Variants in SCAF4 observed in about 807,000 individuals in gnomAD.
The protein encoded by SCAF4 is SR-related and CTD-associated factor 4.
Under a neutral mutation model 129.8 loss-of-function variants are expected in SCAF4, and 25 were observed. The ratio of observed to expected loss-of-function variants is 0.19; its 90% CI spans 0.14 to 0.27. The LOEUF (loss-of-function observed/expected upper bound fraction) is 0.27. Among genes scored for constraint, SCAF4 ranks in the 10% least tolerant of loss-of-function variants. The probability of loss-of-function intolerance (pLI) is 1.00; values close to 1 mark genes in which losing one functional copy is unlikely to be tolerated. For missense variants in SCAF4, 1,246 were observed against 1,457.1 expected, an observed-to-expected ratio of 0.86 and a Z score of 2.36; for synonymous variants, 551 against 497.7, an observed-to-expected ratio of 1.11 and a Z score of -1.43.
rs2050309408 is a variant in SCAF4 at position 31,693,484 on chromosome 21, C to T, written c.1323G>A (p.Arg441=). Residue 441 remains arginine (R), a splice_region_variant and synonymous_variant, in exon 12 of 20, where the codon AGG becomes AGA. Transcript: ENST00000286835. Reference sequence around the variant, plus strand: ...ATCTAGATCGCCTCCTTTTTGGTGACCTAATGTTTTCAAGAGAAGGGAGAA... The same window carrying T: ...ATCTAGATCGCCTCCTTTTTGGTGATCTAATGTTTTCAAGAGAAGGGAGAA... The part of the protein sequence containing the change: ...NRKSRSRSAS[R]SPKRRRSRSG... 6 of 1,470,448 alleles carry T rather than the reference C, an allele frequency of 4.1e-6. No individual in the cohort carries two copies. The highest frequency in any genetic ancestry group is 5.5e-6 in the Non-Finnish European group (6 of 1,091,998). The allele number at this position is 1,470,448 out of a possible 1,614,324, so 91.1% of individuals were successfully genotyped here. A position where few individuals can be genotyped will look rare whatever the true frequency, so the allele number is the denominator to read the frequency against.
intron 15 of SCAF4, 74 bp from the exon 16 acceptor site, chr21:31,688,538 G>A: frequency 1.5e-6 from 2 of 1,296,210 alleles, no homozygotes; most frequent in Non-Finnish European, 2.2e-6. Flanking sequence ...AATGAAAAAT[G>A]TTGATTATAA....
intron 1 of SCAF4, among the ~76,000 whole-genome samples, chr21:31,716,297 A>AT (rs2050918790): frequency 6.6e-6 from 1 of 152,136 alleles, no homozygotes; most frequent in Admixed American, 6.5e-5. Context: ...GACCTCCAAG[A>AT]TGACAAAGCA....
At position 31,723,629 on chromosome 21, in the gene SCAF4, T is replaced by TGTGTGTGCGC. The variant is rs1271033175; in HGVS notation, c.30+8033_30+8034insGCGCACACAC. On this transcript the variant is annotated intron_variant, in intron 1 of 19. Coordinates refer to ENST00000286835, the MANE Select transcript of SCAF4 (RefSeq NM_020706.2). Reference sequence around the variant, plus strand: ...TATATGATGTGTGTGTGTGTGTGTGTGCGCGCGCGCGCGCGCGCACATACA... The same window carrying TGTGTGTGCGC: ...TATATGATGTGTGTGTGTGTGTGTGTGTGTGTGCGCGCGCGCGCGCGCGCGCGCACATACA... 3.1e-3 allele frequency among the ~76,000 whole-genome samples: 465 copies of TGTGTGTGCGC among 149,052 alleles called. 2 individuals are homozygous for TGTGTGTGCGC. The highest frequency in any genetic ancestry group is 0.011 in the African/African-American group (439 of 40,582).
chr21:31,724,534 C>G (rs2051153079), intron 1 of SCAF4, among the ~76,000 whole-genome samples: 1 of 152,160 alleles, frequency 6.6e-6, no homozygotes, highest in Admixed American at 6.5e-5. Context: ...TTATGAATAA[C>G]ACTAAAGGTT....
intron 15 of SCAF4, among the ~76,000 whole-genome samples, chr21:31,688,692 A>G (rs922020834): frequency 1.3e-5 from 2 of 152,242 alleles, no homozygotes; most frequent in Non-Finnish European, 2.9e-5. Flanking sequence ...TAGCTTATTT[A>G]GTTCTCACAA....
chr21:31,675,132 C>T (rs752319130), intron 19 of SCAF4, among the ~76,000 whole-genome samples: 8 of 151,862 alleles, frequency 5.3e-5, no homozygotes, highest in Non-Finnish European at 8.8e-5. Context: ...CAGAGAACCA[C>T]AATAAAATGA....
At chr21:31,677,884 TA>T (rs779832510) in intron 19 of SCAF4, among the ~76,000 whole-genome samples, 33 of 152,174 alleles carry the variant, frequency 2.2e-4, no homozygotes, top group Non-Finnish European at 4.4e-4. Context: ...TCCCCATCTA[TA>T]AAATGAAGAT....
rs1053100662 is a variant in SCAF4 at position 31,690,960 on chromosome 21, C to T, written c.1729-7G>A. On this transcript the variant is annotated splice_polypyrimidine_tract_variant and splice_region_variant and intron_variant, in intron 14 of 19. Coordinates refer to ENST00000286835, the MANE Select transcript of SCAF4 (RefSeq NM_020706.2). ...TGTTTAAGGCCCAGGCAATCTATTTCACCATTAGTGAAAATATAAAAAGAA... is the reference window on the plus strand; with the variant it reads ...TGTTTAAGGCCCAGGCAATCTATTTTACCATTAGTGAAAATATAAAAAGAA... 4 of 1,597,812 alleles carry T rather than the reference C, an allele frequency of 2.5e-6. No homozygotes were observed. In the Admixed American group the frequency reaches 7.1e-5, roughly 28 times the overall value.
chr21:31,730,798 C>A (rs973980374), intron 1 of SCAF4, among the ~76,000 whole-genome samples: 2 of 152,208 alleles, frequency 1.3e-5, no homozygotes, highest in African/African-American at 2.4e-5. Context: ...AGAGAAACAA[C>A]TAGAGAACTT....
Position 31,731,950 on chromosome 21 carries a change from A to G in SCAF4, c.-258T>C, listed in dbSNP as rs1601296053. 1 of 483,762 alleles carries G rather than the reference A, an allele frequency of 2.1e-6. No homozygotes were observed. Among genetic ancestry groups the G allele is most frequent in the Non-Finnish European group, 3.6e-6 (1 of 279,410 alleles). The allele number at this position is 483,762 out of a possible 1,614,324, so 30.0% of individuals were successfully genotyped here. On this transcript the variant is annotated 5_prime_UTR_variant, in exon 1 of 20. Transcript: ENST00000286835. ...GAGGCGGCGGCAGCGCTGGTCTTCAACATGTCCGTTTGGTGGTGGCGGCTG... is the reference window on the plus strand; with the variant it reads ...GAGGCGGCGGCAGCGCTGGTCTTCAGCATGTCCGTTTGGTGGTGGCGGCTG...
At chr21:31,726,870 C>T (rs558499601) in intron 1 of SCAF4, among the ~76,000 whole-genome samples, 2 of 152,254 alleles carry the variant, frequency 1.3e-5, no homozygotes, top group South Asian at 2.1e-4. Context: ...GGTGCCACTA[C>T]ACTCCAGTAT....
rs2051358183 is a variant in SCAF4 at position 31,731,515 on chromosome 21, G to A, written c.30+148C>T. On this transcript the variant is annotated intron_variant, in intron 1 of 19. Coordinates refer to ENST00000286835, the MANE Select transcript of SCAF4 (RefSeq NM_020706.2). Reference sequence around the variant, plus strand: ...TCGCCGCGACCTCTCCCGGGCCACAGGCCCCGCTCCGCGCAGGCCCCGCCG... The same window carrying A: ...TCGCCGCGACCTCTCCCGGGCCACAAGCCCCGCTCCGCGCAGGCCCCGCCG... The A allele has an allele frequency of 1.2e-5, 11 of 915,092 alleles. No homozygotes were observed. The South Asian group carries it at 1.6e-4, about 13-fold the overall frequency. 56.7% of individuals were successfully genotyped at this position (915,092 alleles called of 1,614,324 possible).
chr21:31,709,362 AAAGAAAG>A (rs1471128305), intron 1 of SCAF4, among the ~76,000 whole-genome samples: 1 of 147,780 alleles, frequency 6.8e-6, no homozygotes, highest in Non-Finnish European at 1.5e-5. Flanking sequence ...AAAAAAAAAA[AAAGAAAG>A]AAAGAAAGAA....
chr21:31,699,924 G>A (rs566256126), intron 7 of SCAF4, among the ~76,000 whole-genome samples: 52 of 152,196 alleles, frequency 3.4e-4, no homozygotes, highest in Admixed American at 2.4e-3. Flanking sequence ...CTATAGGCCC[G>A]ATAGAGCAGC....
At chr21:31,715,484 A>G (rs2050902080) in intron 1 of SCAF4, among the ~76,000 whole-genome samples, 1 of 152,218 alleles carries the variant, frequency 6.6e-6, no homozygotes, top group Non-Finnish European at 1.5e-5. Flanking sequence ...TTACCTAAAA[A>G]AAATAGGGCT....
At chr21:31,712,744 G>C (rs1047001933) in intron 1 of SCAF4, 2 of 184,380 alleles carry the variant, frequency 1.1e-5, no homozygotes, top group African/African-American at 4.8e-5. Flanking sequence ...TGGTCAGGCT[G>C]GTCTCAAACT....
chr21:31,696,533 T>C (rs1363170719), intron 8 of SCAF4, 36 bp downstream of exon 8: 2 of 1,543,894 alleles, frequency 1.3e-6, no homozygotes, highest in Non-Finnish European at 1.8e-6. Flanking sequence ...CTATTACCAA[T>C]TTTCTATCTG....
At chr21:31,684,507 T>G (rs1212794124) in intron 19 of SCAF4, 1 of 153,376 alleles carries the variant, frequency 6.5e-6, no homozygotes, top group African/African-American at 2.4e-5. Flanking sequence ...AGTGGGAAAG[T>G]GGTACCTCAG....
intron 1 of SCAF4, among the ~76,000 whole-genome samples, chr21:31,709,424 TTAGAG>T (rs1339534863): frequency 6.6e-6 from 1 of 151,270 alleles, no homozygotes; most frequent in East Asian, 1.9e-4. Context: ...CATTAAAAGC[TTAGAG>T]TAAATTTTAA....
Sources: gnomAD v4.1 joint callset for allele counts (sites outside exome capture counted in the v4.1 genomes callset) on GRCh38, gnomAD v4.1.1 for gene constraint, MANE v1.5 for transcripts, NCBI Gene and HGNC (gene_info 2026-07-23, HGNC 2026-07-21) for gene names.